The following RAD51B variants were observed in gnomAD, a reference collection of about 807,000 sequenced individuals.
The protein encoded by RAD51B is DNA repair protein RAD51 homolog 2.
A neutral mutation model predicts 42.2 loss-of-function variants in RAD51B; 38 were observed. The observed-to-expected ratio is 0.90, with a 90% CI of 0.70 to 1.18. The LOEUF (loss-of-function observed/expected upper bound fraction) is 1.18, where lower values mean the gene tolerates loss of function less well. Among genes scored for constraint, RAD51B ranks in the 50% most tolerant of loss-of-function variants. The pLI, the probability that RAD51B is intolerant of heterozygous loss-of-function variation, is 0.00. For missense variants in RAD51B, 373 were observed against 400.7 expected, an observed-to-expected ratio of 0.93 and a Z score of 0.59; for synonymous variants, 154 against 145.2, an observed-to-expected ratio of 1.06 and a Z score of -0.43.
chr14:68,065,404 A>G (rs931839122), intron 7 of RAD51B, among the ~76,000 whole-genome samples: 10 of 152,112 alleles, frequency 6.6e-5, no homozygotes, highest in African/African-American at 2.4e-4. Flanking sequence ...CCCTGGGGCC[A>G]TGTGCTGGCC....
chr14:67,825,610 A>C (rs1290201704), intron 3 of RAD51B, 33 bp downstream of exon 3: 1 of 1,487,578 alleles, frequency 6.7e-7, no homozygotes, highest in African/African-American at 1.4e-5. Context: ...TTTGATTATG[A>C]ATGATTCCTC....
intron 10 of RAD51B, among the ~76,000 whole-genome samples, chr14:68,637,933 T>A (rs894336618): frequency 6.6e-6 from 1 of 152,272 alleles, no homozygotes; most frequent in African/African-American, 2.4e-5. Flanking sequence ...CTTTGGTCTT[T>A]GTCTTCTCTT....
chr14:67,975,159 A>G (rs989374437), intron 7 of RAD51B, among the ~76,000 whole-genome samples: 76 of 152,206 alleles, frequency 5.0e-4, no homozygotes, highest in African/African-American at 1.8e-3. Flanking sequence ...CATGTGAATG[A>G]TGAACATTCA....
intron 8 of RAD51B, among the ~76,000 whole-genome samples, chr14:68,403,554 G>A (rs896021507): frequency 6.6e-6 from 1 of 152,112 alleles, no homozygotes; most frequent in African/African-American, 2.4e-5. Context: ...GGAAATCAAG[G>A]CTACATAGCA....
intron 7 of RAD51B, among the ~76,000 whole-genome samples, chr14:67,988,522 G>T (rs547914121): frequency 6.6e-6 from 1 of 152,184 alleles, no homozygotes; most frequent in East Asian, 1.9e-4. Context: ...ACAACATCTT[G>T]TCTATTTTTT....
At chr14:67,827,463 GT>G (rs5809365) in intron 3 of RAD51B, among the ~76,000 whole-genome samples, 12 of 148,666 alleles carry the variant, frequency 8.1e-5, no homozygotes, top group South Asian at 6.4e-4. Context: ...CACTGGCTTA[GT>G]TTTTTTTTTT....
chr14:68,060,879 T>G (rs980516198), intron 7 of RAD51B, among the ~76,000 whole-genome samples: 4 of 152,148 alleles, frequency 2.6e-5, no homozygotes, highest in Admixed American at 2.6e-4. Context: ...CAAAAATTAG[T>G]TGGCTATAAA....
chr14:68,578,916 C>T (rs539834094), intron 10 of RAD51B, among the ~76,000 whole-genome samples: 42 of 152,330 alleles, frequency 2.8e-4, no homozygotes, highest in African/African-American at 1.0e-3. Context: ...CATAGGCTTG[C>T]TTTCCTTCTA....
chr14:68,611,603 A>C (rs1271062283), downstream of RAD51B: 1 of 366,908 alleles, frequency 2.7e-6, no homozygotes, highest in African/African-American at 2.0e-5. Flanking sequence ...TCAACAAATT[A>C]GTGTGTTTTG....
chr14:67,922,547 A>AT lies in RAD51B; in HGVS notation c.756+35358dup, dbSNP rs796316732. On this transcript the variant is annotated intron_variant, in intron 7 of 10. Transcript: ENST00000471583. The stretch of plus-strand genomic sequence containing the variant: ...TGTTGTTGCAGATAGTATGTACTTA[A>AT]TTTTTTTTTTTTTTTAAATTTCAAT... Among the ~76,000 whole-genome samples the AT allele has an allele frequency of 3.4e-3, 494 of 143,846 alleles. 3 individuals carry two copies. Among genetic ancestry groups the AT allele is most frequent in the African/African-American group, 0.01 (405 of 39,418 alleles). The allele number at this position is 143,846 out of a possible 152,430, so 94.4% of individuals were successfully genotyped here.
chr14:68,606,438 T>C (rs1024715782), intron 10 of RAD51B, among the ~76,000 whole-genome samples: 3 of 152,220 alleles, frequency 2.0e-5, no homozygotes, highest in Non-Finnish European at 4.4e-5. Flanking sequence ...GCTTTTAAAA[T>C]TGGAATTTTT....
At chr14:68,075,453 G>A (rs2076818041) in intron 7 of RAD51B, among the ~76,000 whole-genome samples, 1 of 152,162 alleles carries the variant, frequency 6.6e-6, no homozygotes, top group South Asian at 2.1e-4. Context: ...TGCCTATGCT[G>A]CAGAACCAAG....
At chr14:68,630,513 C>G (rs1263536990) in intron 10 of RAD51B, among the ~76,000 whole-genome samples, 1 of 152,160 alleles carries the variant, frequency 6.6e-6, no homozygotes, top group Non-Finnish European at 1.5e-5. Context: ...CCCCCATGCA[C>G]CTCCGGACTT....
rs1180422974 is a variant in RAD51B, at chr14:68,289,319, A to T, written c.757-2565A>T. On this transcript the variant is annotated intron_variant, in intron 7 of 10. Coordinates refer to ENST00000471583, the MANE Select transcript of RAD51B (RefSeq NM_133510.4). ...TTCTCATAAAAATTCTATGAGATAG[A>T]TATTATTTTACCTATGAACAAATGA... 1.3e-5 allele frequency among the ~76,000 whole-genome samples: 2 copies of T among 152,352 alleles called. 1 individual carries two copies. The highest frequency in any genetic ancestry group is 3.9e-4 in the East Asian group (2 of 5,194).
At chr14:68,498,117 T>C (rs1008032802) in intron 10 of RAD51B, among the ~76,000 whole-genome samples, 3 of 152,264 alleles carry the variant, frequency 2.0e-5, no homozygotes, top group African/African-American at 7.2e-5. Flanking sequence ...AATCATTTTG[T>C]ATTTCCATCA....
chr14:68,345,443 G>A (rs2082658110), intron 8 of RAD51B, among the ~76,000 whole-genome samples: 1 of 152,056 alleles, frequency 6.6e-6, no homozygotes, highest in Admixed American at 6.5e-5. Context: ...TTCTTGCTCT[G>A]GTGGTTAACA....
At chr14:67,919,815 A>G (rs2044264951) in intron 7 of RAD51B, among the ~76,000 whole-genome samples, 1 of 152,202 alleles carries the variant, frequency 6.6e-6, no homozygotes, top group South Asian at 2.1e-4. Flanking sequence ...CTCTGCTGCT[A>G]GATCACCCAT....
At chr14:68,095,968 T>C (rs2140532436) in intron 7 of RAD51B, among the ~76,000 whole-genome samples, 1 of 95,242 alleles carries the variant, frequency 1.0e-5, no homozygotes, top group African/African-American at 5.1e-5. Flanking sequence ...TGAGACTCCG[T>C]CTCAAAAAAA....
intron 10 of RAD51B, among the ~76,000 whole-genome samples, chr14:68,627,693 C>T (rs577787385): frequency 2.2e-4 from 33 of 152,330 alleles, no homozygotes; most frequent in African/African-American, 7.5e-4. Flanking sequence ...TAAAGCAGAA[C>T]TGGGGTACTT....
Sources: allele counts gnomAD v4.1 joint callset (sites outside exome capture counted in the v4.1 genomes callset), GRCh38; gene constraint gnomAD v4.1.1; transcripts MANE v1.5; gene names NCBI Gene and HGNC (gene_info 2026-07-23, HGNC 2026-07-21).